MAGI1: variants seen among roughly 807,000 people sequenced by gnomAD.
MAGI1 encodes membrane-associated guanylate kinase, WW and PDZ domain-containing protein 1.
A neutral mutation model predicts 139.9 loss-of-function variants in MAGI1; 58 were observed. That is an observed-to-expected ratio of 0.41 (90% CI 0.34 to 0.52). MAGI1 has a LOEUF of 0.52. Among genes scored for constraint, MAGI1 ranks in the 20% least tolerant of loss-of-function variants. The pLI, the probability that MAGI1 is intolerant of heterozygous loss-of-function variation, is 0.12. For synonymous variants in MAGI1, 812 were observed against 737.9 expected (o/e 1.10, Z -1.63); for missense variants, 1,874 against 1,901.6 (o/e 0.99, Z 0.27).
chr3:65,925,082 T>C (rs2062426508), intron 1 of MAGI1: 1 of 152,212 alleles, frequency 6.6e-6, no homozygotes, highest in African/African-American at 2.4e-5. Context: ...CACCATGGGA[T>C]ACACTGCTCC....
chr3:65,735,664 A>G (rs1164148562), intron 1 of MAGI1, among the ~76,000 whole-genome samples: 1 of 152,132 alleles, frequency 6.6e-6, no homozygotes, highest in Non-Finnish European at 1.5e-5. Context: ...GCAGCACCTC[A>G]GTTATCATTA....
chr3:65,483,056 A>G (rs1434229649), intron 3 of MAGI1, among the ~76,000 whole-genome samples: 1 of 152,250 alleles, frequency 6.6e-6, no homozygotes, highest in Non-Finnish European at 1.5e-5. Flanking sequence ...ATAGGCAGAT[A>G]CAGGGGCATG....
intron 1 of MAGI1, among the ~76,000 whole-genome samples, chr3:65,715,888 T>C (rs971900093): frequency 6.6e-6 from 1 of 152,206 alleles, no homozygotes; most frequent in African/African-American, 2.4e-5. Context: ...TTTGTAAATT[T>C]AGTAAACCAA....
intron 1 of MAGI1, among the ~76,000 whole-genome samples, chr3:65,826,625 A>G (rs977689002): frequency 6.6e-6 from 1 of 152,196 alleles, no homozygotes; most frequent in African/African-American, 2.4e-5. Flanking sequence ...TTTGTGCCCA[A>G]CTCACAAGAC....
chr3:65,624,971 C>T (rs2083888303), intron 1 of MAGI1, among the ~76,000 whole-genome samples: 1 of 152,128 alleles, frequency 6.6e-6, no homozygotes, highest in African/African-American at 2.4e-5. Flanking sequence ...CTCCCAGACT[C>T]AAGCGATTTT....
chr3:65,356,665 TG>T lies in MAGI1; in HGVS notation c.4101del (p.Ser1368AlafsTer67). On this transcript the variant is annotated frameshift_variant, in exon 23 of 23. Coordinates refer to ENST00000402939, the MANE Select transcript of MAGI1 (RefSeq NM_001033057.2). LOFTEE classifies it low-confidence loss of function (END_TRUNC). ...CTCTCCAGAGACCGTCTCCGCCGGC[TG>T]GGGGAGCCGTCTCTCCTGCGGGTGG... ...RSPTRRRDGS[P>X]SRRRRSLERL... The T allele has an allele frequency of 2.5e-6, 4 of 1,584,046 alleles. No individual in the cohort carries two copies. The highest frequency in any genetic ancestry group is 2.6e-6 in the Non-Finnish European group (3 of 1,166,606).
chr3:65,359,651 A>G (rs1351923064), intron 22 of MAGI1: 7 of 989,706 alleles, frequency 7.1e-6, no homozygotes, highest in Non-Finnish European at 8.4e-6. Flanking sequence ...TTGTGACTCT[A>G]ATCAATGGAA....
intron 2 of MAGI1, among the ~76,000 whole-genome samples, chr3:65,584,180 TG>T (rs755371802): frequency 6.6e-6 from 1 of 150,750 alleles, no homozygotes; most frequent in Admixed American, 6.7e-5. Flanking sequence ...GCCTACAGAA[TG>T]AGCTACTTTG....
At chr3:65,378,776 G>A (rs1202595445) in intron 17 of MAGI1, among the ~76,000 whole-genome samples, 1 of 151,644 alleles carries the variant, frequency 6.6e-6, no homozygotes, top group Non-Finnish European at 1.5e-5. Flanking sequence ...CCACCTCCCA[G>A]GTTCAAGCGA....
chr3:65,357,231 G>A (rs1324972593), intron 22 of MAGI1, 99 bp from the exon 23 acceptor site: 1 of 1,235,152 alleles, frequency 8.1e-7, no homozygotes, highest in East Asian at 2.4e-5. Flanking sequence ...GTCACAACAA[G>A]CAAACAACTG....
chr3:65,478,551 C>T (rs1442602875), intron 4 of MAGI1, 41 bp downstream of exon 4: 1 of 1,581,864 alleles, frequency 6.3e-7, no homozygotes, highest in Admixed American at 1.7e-5. Context: ...CTCGTCATCC[C>T]TTCCCCAGGT....
intron 1 of MAGI1, among the ~76,000 whole-genome samples, chr3:65,791,296 A>G (rs960086288): frequency 2.0e-5 from 3 of 152,192 alleles, no homozygotes; most frequent in African/African-American, 7.2e-5. Flanking sequence ...GCATCAGACA[A>G]TGAAGACACA....
chr3:65,951,445 A>T (rs1560047851), intron 1 of MAGI1, among the ~76,000 whole-genome samples: 1 of 152,250 alleles, frequency 6.6e-6, no homozygotes, highest in Non-Finnish European at 1.5e-5. Context: ...GTTTCCAATG[A>T]AACTGTTGCA....
chr3:65,788,681 AC>A (rs1220136979), intron 1 of MAGI1, among the ~76,000 whole-genome samples: 1 of 152,206 alleles, frequency 6.6e-6, no homozygotes, highest in African/African-American at 2.4e-5. Context: ...TGTGACCCAC[AC>A]CAAACTGAAG....
At chr3:65,928,046 A>G (rs1217854247) in intron 1 of MAGI1, among the ~76,000 whole-genome samples, 3 of 152,062 alleles carry the variant, frequency 2.0e-5, no homozygotes, top group Non-Finnish European at 4.4e-5. Flanking sequence ...TTTTTCTTAG[A>G]ATTTTCACCT....
chr3:65,659,906 G>C lies in MAGI1; in HGVS notation c.314-37818C>G, dbSNP rs143481307. ...TGAGTGGATGGCAAAGGTTTCCAGA[G>C]TTTGGTTACAATCTCTCTGTGCTAA... On this transcript the variant is annotated intron_variant, in intron 1 of 22. Transcript: ENST00000402939. 1.2e-4 allele frequency among the ~76,000 whole-genome samples: 19 copies of C among 152,222 alleles called. No individual in the cohort carries two copies. The East Asian group carries it at 3.5e-3, about 28-fold the overall frequency.
chr3:65,445,524 G>C (rs4381884), intron 7 of MAGI1, among the ~76,000 whole-genome samples: 45,592 of 152,038 alleles, frequency 0.3, 7,877 homozygotes, highest in East Asian at 0.7. Flanking sequence ...TCTGTATATA[G>C]ATTGAAAATC....
intron 7 of MAGI1, among the ~76,000 whole-genome samples, chr3:65,443,333 GC>G (rs1425319641): frequency 6.6e-6 from 1 of 152,148 alleles, no homozygotes; most frequent in Non-Finnish European, 1.5e-5. Context: ...TAATGAAAAT[GC>G]AGTTGGGTTT....
chr3:65,926,661 C>T (rs1576094142), intron 1 of MAGI1, among the ~76,000 whole-genome samples: 1 of 152,156 alleles, frequency 6.6e-6, no homozygotes, highest in Non-Finnish European at 1.5e-5. Context: ...AGTAACATGA[C>T]AGTTTACAAA....
Sources: gnomAD v4.1 joint callset for allele counts (sites outside exome capture counted in the v4.1 genomes callset) on GRCh38, gnomAD v4.1.1 for gene constraint, MANE v1.5 for transcripts, NCBI Gene and HGNC (gene_info 2026-07-23, HGNC 2026-07-21) for gene names.